USP4: variants seen among roughly 807,000 people sequenced by gnomAD.
USP4 encodes ubiquitin carboxyl-terminal hydrolase 4.
A neutral mutation model predicts 118.2 loss-of-function variants in USP4; 72 were observed. The ratio of observed to expected loss-of-function variants is 0.61; its 90% CI spans 0.50 to 0.74. USP4 has a LOEUF of 0.74. Among genes scored for constraint, USP4 ranks in the 30% least tolerant of loss-of-function variants. The pLI is 0.00. For missense variants in USP4, 1,037 were observed against 1,185.7 expected, an observed-to-expected ratio of 0.87 and a Z score of 1.84; for synonymous variants, 415 against 440.4, an observed-to-expected ratio of 0.94 and a Z score of 0.72.
At chr3:49,325,128 G>T in intron 4 of USP4, 89 bp from the exon 5 acceptor site, 2 of 1,507,916 alleles carry the variant, frequency 1.3e-6, no homozygotes, top group Non-Finnish European at 1.8e-6. Context: ...CCTCTTTCTT[G>T]TCAGATGCTC....
At position 49,320,592 on chromosome 3, in the gene USP4, A is replaced by G. The variant is rs563562522; in HGVS notation, c.695+4110T>C. ...CTTCTGAGTAGCTAGGACTATAGGC[A>G]CATACCACTGTATCCCTGGTGTGGT... On this transcript the variant is annotated intron_variant, in intron 6 of 21. Coordinates refer to ENST00000265560, the MANE Select transcript of USP4 (RefSeq NM_003363.4). Among the ~76,000 whole-genome samples, 5 of 152,336 alleles carry G rather than the reference A, an allele frequency of 3.3e-5. 1 individual carries two copies. The South Asian group carries it at 1.0e-3, about 32-fold the overall frequency.
chr3:49,323,920 T>G (rs1274845603), intron 6 of USP4, among the ~76,000 whole-genome samples: 1 of 152,134 alleles, frequency 6.6e-6, no homozygotes, highest in Non-Finnish European at 1.5e-5. Flanking sequence ...GCTGAACAAT[T>G]CACCCAGCAA....
At chr3:49,316,031 C>T (rs957279945) in intron 6 of USP4, among the ~76,000 whole-genome samples, 1 of 151,958 alleles carries the variant, frequency 6.6e-6, no homozygotes, top group South Asian at 2.1e-4. Context: ...CAGAGGAACC[C>T]CATCTCTACT....
intron 11 of USP4, among the ~76,000 whole-genome samples, 166 bp from the exon 12 acceptor site, chr3:49,298,801 T>C (rs988138256): frequency 4.6e-5 from 7 of 152,178 alleles, no homozygotes; most frequent in Non-Finnish European, 1.5e-5. Flanking sequence ...AGGACCTCTA[T>C]GTCAGCATCC....
At chr3:49,322,810 T>C (rs1429886010) in intron 6 of USP4, among the ~76,000 whole-genome samples, 1 of 149,266 alleles carries the variant, frequency 6.7e-6, no homozygotes, top group Non-Finnish European at 1.5e-5. Flanking sequence ...TGAGCTGAGA[T>C]CGCACCATTG....
In USP4 at chr3:49,284,144, G is replaced by C. The variant is rs141926977; in HGVS notation, c.2391-8C>G. On this transcript the variant is annotated splice_polypyrimidine_tract_variant and splice_region_variant and intron_variant, in intron 18 of 21. Coordinates refer to ENST00000265560, the MANE Select transcript of USP4 (RefSeq NM_003363.4). Reference sequence around the variant, plus strand: ...TTACAGTTGGGACAGTACCTAAAAAGAGAAACCTCCACTTAGCAGGGCAAG... The same window carrying C: ...TTACAGTTGGGACAGTACCTAAAAACAGAAACCTCCACTTAGCAGGGCAAG... 1,517 of 1,614,128 alleles carry C rather than the reference G, an allele frequency of 9.4e-4. 14 individuals are homozygous for C. The African/African-American group carries it at 0.017, about 18-fold the overall frequency.
intron 1 of USP4, among the ~76,000 whole-genome samples, chr3:49,337,819 A>T (rs941229547): frequency 6.6e-6 from 1 of 151,158 alleles, no homozygotes; most frequent in Non-Finnish European, 1.5e-5. Context: ...AGGCTGAGTC[A>T]GGTGGATCAC....
intron 2 of USP4, among the ~76,000 whole-genome samples, chr3:49,333,085 T>C (rs1444787123): frequency 6.7e-6 from 1 of 150,144 alleles, no homozygotes; most frequent in African/African-American, 2.4e-5. Flanking sequence ...ACTTTCTCCA[T>C]ATCAGCAATA....
intron 13 of USP4, among the ~76,000 whole-genome samples, chr3:49,295,701 T>TGCGCGCGCGCGC (rs754642053): frequency 1.4e-5 from 2 of 146,070 alleles, no homozygotes; most frequent in African/African-American, 5.3e-5. Flanking sequence ...TATGCACGTG[T>TGCGCGCGCGCGC]GCGCGCGCGC....
rs753066083 is a variant in USP4 at position 49,327,748 on chromosome 3, C to T, written c.298G>A (p.Ala100Thr). 1 of 1,614,046 alleles carries T rather than the reference C, an allele frequency of 6.2e-7. No homozygotes were observed. Reference protein sequence around the residue: ...ELDYVLVPTEAWNKLLNWYGC... With the variant: ...ELDYVLVPTETWNKLLNWYGC... ...TACCAGTTTAGTAGTTTATTCCACG[C>T]CTCGGTAGGGACCAATACATAGTCC... is the stretch of plus-strand genomic sequence containing the variant. Residue 100 changes from alanine (A) to threonine (T), a missense_variant, in exon 3 of 22, where the codon GCG becomes ACG. Ala to Thr is a moderately conservative substitution (Grantham distance 58). Coordinates refer to ENST00000265560, the MANE Select transcript of USP4 (RefSeq NM_003363.4).
In USP4 at chr3:49,298,585, A is replaced by G. The variant is rs2047232587; in HGVS notation, c.1563T>C (p.Ala521=). The G allele has an allele frequency of 1.2e-6, 2 of 1,614,064 alleles. No individual in the cohort carries two copies. The highest frequency in any genetic ancestry group is 2.2e-5 in the East Asian group (1 of 44,896). Residue 521 remains alanine, a synonymous_variant, in exon 12 of 22, where the codon GCT becomes GCC. Transcript: ENST00000265560. ...CAGCAATGCCAGACAGCCTGGAGAG[A>G]GCCTCGCACAGGTCGGACACAGCCC... ...LMGAVSDLCE[A]LSRLSGIAAE... is the part of the protein sequence containing the mutation.
At position 49,297,858 on chromosome 3, in the gene USP4, C is replaced by T; in HGVS notation, c.1691+12G>A. On this transcript the variant is annotated intron_variant, in intron 13 of 21. Transcript: ENST00000265560. ...CTGACCTGACCTGCAGCAGAAACTG[C>T]TGAGTACTCACACGAAAATGTCATC... The T allele has an allele frequency of 6.2e-7, 1 of 1,608,570 alleles. No individual in the cohort carries two copies. Among genetic ancestry groups the T allele is most frequent in the East Asian group, 2.2e-5 (1 of 44,838 alleles).
intron 15 of USP4, among the ~76,000 whole-genome samples, chr3:49,288,528 A>G (rs1351833723): frequency 6.6e-6 from 1 of 152,190 alleles, no homozygotes; most frequent in Non-Finnish European, 1.5e-5. Flanking sequence ...TACAAAAATT[A>G]GCCAGGCATG....
At chr3:49,307,479 G>C (rs927259784) in intron 8 of USP4, among the ~76,000 whole-genome samples, 4 of 151,736 alleles carry the variant, frequency 2.6e-5, no homozygotes, top group Non-Finnish European at 5.9e-5. Flanking sequence ...TTAGAGATAG[G>C]GTCTTGCTTA....
chr3:49,321,989 G>A (rs1036830392), intron 6 of USP4, among the ~76,000 whole-genome samples: 1 of 151,876 alleles, frequency 6.6e-6, no homozygotes, highest in African/African-American at 2.4e-5. Flanking sequence ...TCAAGACTCC[G>A]TCTATTAAAA....
rs2047224864 is a variant in USP4, at chr3:49,297,802, T to C, written c.1691+68A>G. On this transcript the variant is annotated intron_variant, in intron 13 of 21. Coordinates refer to ENST00000265560, the MANE Select transcript of USP4 (RefSeq NM_003363.4). ...TGCCCACATTTTTGTTCTGGAGATA[T>C]GAATGCAGCAAAGTCTCTAGAATGT... is the stretch of plus-strand genomic sequence containing the variant. The C allele has an allele frequency of 1.1e-5, 14 of 1,301,514 alleles. No homozygotes were observed. The South Asian group carries it at 1.7e-4, about 15-fold the overall frequency. 80.6% of individuals were successfully genotyped at this position (1,301,514 alleles called of 1,614,324 possible).
At chr3:49,308,925 G>A (rs1290180520) in intron 8 of USP4, among the ~76,000 whole-genome samples, 3 of 151,340 alleles carry the variant, frequency 2.0e-5, no homozygotes, top group Admixed American at 6.6e-5. Context: ...CCAGCTACTC[G>A]GGAGGCTGAG....
intron 8 of USP4, among the ~76,000 whole-genome samples, chr3:49,308,778 A>C (rs2107785983): frequency 6.6e-6 from 1 of 151,798 alleles, no homozygotes; most frequent in East Asian, 2.0e-4. Flanking sequence ...CTGTAATCCC[A>C]GCACTTTGGG....
At chr3:49,303,848 G>A (rs2047285443) in intron 9 of USP4, among the ~76,000 whole-genome samples, 1 of 152,112 alleles carries the variant, frequency 6.6e-6, no homozygotes, top group African/African-American at 2.4e-5. Context: ...CGCCTCCCAG[G>A]TTCAAGCAAT....
Sources: gnomAD v4.1 joint callset for allele counts (sites outside exome capture counted in the v4.1 genomes callset) on GRCh38, gnomAD v4.1.1 for gene constraint, MANE v1.5 for transcripts, NCBI Gene and HGNC (gene_info 2026-07-23, HGNC 2026-07-21) for gene names.